The following CREBRF variants were observed in gnomAD, a reference collection of about 807,000 sequenced individuals.
The protein encoded by CREBRF is UPF0474 protein C5orf41.
Under a neutral mutation model 66.1 loss-of-function variants are expected in CREBRF, and 5 were observed. That is an observed-to-expected ratio of 0.08 (90% CI 0.04 to 0.16). The LOEUF (loss-of-function observed/expected upper bound fraction) is 0.16. CREBRF is among the 10% of genes least tolerant of loss of function. The probability of loss-of-function intolerance (pLI) is 1.00; values close to 1 mark genes in which losing one functional copy is unlikely to be tolerated. For synonymous variants in CREBRF, 229 were observed against 264.4 expected (o/e 0.87, Z 1.30); for missense variants, 531 against 744.9 (o/e 0.71, Z 3.34).
intron 1 of CREBRF, 47 bp from the exon 2 acceptor site, chr5:173,080,534 TCAAC>T: frequency 3.7e-6 from 2 of 538,072 alleles, no homozygotes; most frequent in African/African-American, 1.9e-5. Context: ...TTTTGAAACA[TCAAC>T]TTGTTTTTCC....
rs1487808501 is a variant in CREBRF, at chr5:173,080,597, A to AG, written c.-178dup. ...TGTTGTTTGACAGACAGCATCGCACAGAATTATTTTAAAAAAAAGCAGTGA... is the reference window on the plus strand; with the variant it reads ...TGTTGTTTGACAGACAGCATCGCACAGGAATTATTTTAAAAAAAAGCAGTGA... On this transcript the variant is annotated 5_prime_UTR_variant, in exon 2 of 9. Coordinates refer to ENST00000296953, the MANE Select transcript of CREBRF (RefSeq NM_153607.3). The AG allele has an allele frequency of 1.7e-6, 1 of 598,212 alleles. No individual in the cohort carries two copies. Among genetic ancestry groups the AG allele is most frequent in the Non-Finnish European group, 3.0e-6 (1 of 331,280 alleles). The allele number at this position is 598,212 out of a possible 1,614,324, so 37.1% of individuals were successfully genotyped here.
At chr5:173,092,282 G>A (rs571003806) in intron 4 of CREBRF, 37 of 980,034 alleles carry the variant, frequency 3.8e-5, no homozygotes, top group South Asian at 4.7e-5. Flanking sequence ...AATTTACATC[G>A]TATTTTCCTA....
intron 1 of CREBRF, 122 bp from the exon 2 acceptor site, chr5:173,080,463 G>T: frequency 5.7e-6 from 2 of 348,058 alleles, no homozygotes; most frequent in East Asian, 9.9e-5. Flanking sequence ...TCAACCATAA[G>T]ACTTACTCAT....
At chr5:173,129,420 A>G (rs550787273) in intron 8 of CREBRF, among the ~76,000 whole-genome samples, 1 of 152,116 alleles carries the variant, frequency 6.6e-6, no homozygotes, top group African/African-American at 2.4e-5. Context: ...CCGGCCAGTT[A>G]CATCTTTTTA....
Position 173,100,228 on chromosome 5 carries a change from G to A in CREBRF, c.1223-8396G>A, listed in dbSNP as rs1282505103. Among the ~76,000 whole-genome samples, 18 of 146,258 alleles carry A rather than the reference G, an allele frequency of 1.2e-4. No individual in the cohort carries two copies. The South Asian group carries it at 3.1e-3, about 25-fold the overall frequency. ...TGACCTCAAGTGATCCGCCCACCTC[G>A]GCCCTCCAAAGTGCTGGGATTAGTA... On this transcript the variant is annotated intron_variant, in intron 4 of 8. Coordinates refer to ENST00000296953, the MANE Select transcript of CREBRF (RefSeq NM_153607.3).
At chr5:173,107,341 T>C (rs1220364769) in intron 4 of CREBRF, among the ~76,000 whole-genome samples, 1 of 152,182 alleles carries the variant, frequency 6.6e-6, no homozygotes, top group African/African-American at 2.4e-5. Context: ...TTCATGTACC[T>C]AGCGTTAATG....
chr5:173,129,231 C>T (rs1261942321), intron 8 of CREBRF, among the ~76,000 whole-genome samples: 2 of 150,452 alleles, frequency 1.3e-5, no homozygotes, highest in Admixed American at 1.3e-4. Flanking sequence ...ATTCTCCTGC[C>T]TCAGCCTCCC....
At chr5:173,070,293 G>A (rs1007860517) in intron 1 of CREBRF, among the ~76,000 whole-genome samples, 1 of 152,148 alleles carries the variant, frequency 6.6e-6, no homozygotes, top group African/African-American at 2.4e-5. Context: ...GAATCCTGCT[G>A]TGTGCTCCAG....
chr5:173,123,317 A>G (rs986588956), intron 8 of CREBRF, 115 bp downstream of exon 8: 2 of 946,852 alleles, frequency 2.1e-6, no homozygotes, highest in African/African-American at 3.5e-5. Context: ...CTCTCATTGT[A>G]ATTACTCTCC....
At chr5:173,060,192 G>A (rs1304429339) in intron 1 of CREBRF, 2 of 150,626 alleles carry the variant, frequency 1.3e-5, no homozygotes, top group African/African-American at 2.4e-5. Context: ...GTCAAGATCG[G>A]CATCTATATA....
chr5:173,117,080 A>G (rs926970001), intron 7 of CREBRF, among the ~76,000 whole-genome samples: 1 of 152,044 alleles, frequency 6.6e-6, no homozygotes, highest in African/African-American at 2.4e-5. Flanking sequence ...TTTCTCTTCT[A>G]AAGGTTCTTT....
chr5:173,071,362 C>T (rs1757595261), intron 1 of CREBRF, among the ~76,000 whole-genome samples: 1 of 152,142 alleles, frequency 6.6e-6, no homozygotes, highest in African/African-American at 2.4e-5. Context: ...CAGGTGTGAG[C>T]CACCACGCCC....
intron 1 of CREBRF, chr5:173,060,273 C>G (rs1007537206): frequency 6.7e-6 from 1 of 150,052 alleles, no homozygotes; most frequent in Non-Finnish European, 1.5e-5. Context: ...CTGCGTTGCC[C>G]AGGTTGGAGT....
chr5:173,082,237 TCTC>T (rs1757976823), intron 2 of CREBRF, among the ~76,000 whole-genome samples: 1 of 151,936 alleles, frequency 6.6e-6, no homozygotes, highest in East Asian at 2.0e-4. Context: ...ATGGTCCCGA[TCTC>T]CTGACCTCGT....
intron 1 of CREBRF, among the ~76,000 whole-genome samples, chr5:173,070,690 C>T (rs1169516761): frequency 6.6e-6 from 1 of 152,070 alleles, no homozygotes; most frequent in African/African-American, 2.4e-5. Context: ...AAAAAAAATT[C>T]AGGAGTACAA....
intron 3 of CREBRF, among the ~76,000 whole-genome samples, chr5:173,088,926 C>G (rs185197485): frequency 2.0e-5 from 3 of 152,046 alleles, no homozygotes; most frequent in Non-Finnish European, 4.4e-5. Context: ...TGCCTGTAAT[C>G]CCAGCACTTT....
chr5:173,060,718 A>G (rs1366279093), intron 1 of CREBRF, among the ~76,000 whole-genome samples: 1 of 151,258 alleles, frequency 6.6e-6, no homozygotes, highest in Non-Finnish European at 1.5e-5. Context: ...ACAAGGGTTG[A>G]CAGACTTTTT....
rs956233907 is a variant in CREBRF at position 173,090,801 on chromosome 5, A to T, written c.622A>T (p.Thr208Ser). Residue 208 changes from threonine to serine, a missense_variant, in exon 4 of 9, where the codon ACT becomes TCT. By Grantham distance (58) the Thr-to-Ser change is moderately conservative. Around this residue, in one of 5 missense-constraint regions of CREBRF, gnomAD observed 309 missense variants for 341.4 expected, o/e 0.90. Transcript: ENST00000296953. The surrounding 1 kb of genome is among the most constrained non-coding windows in gnomAD (Gnocchi z 4.5). ...SDCVQKASKPTSSTQIMVKTN... is the reference protein window; with the variant it reads ...SDCVQKASKPSSSTQIMVKTN... ...CTGTGTCCAAAAAGCAAGTAAACCC[A>T]CTTCAAGCACACAAATCATGGTGAA... 6.2e-7 allele frequency: 1 copy of T among 1,614,160 alleles called. No homozygotes were observed. The highest frequency in any genetic ancestry group is 8.5e-7 in the Non-Finnish European group (1 of 1,180,042).
chr5:173,103,789 TA>T (rs1758684802), intron 4 of CREBRF, among the ~76,000 whole-genome samples: 1 of 152,260 alleles, frequency 6.6e-6, no homozygotes, highest in Non-Finnish European at 1.5e-5. Flanking sequence ...ATTTATTTTG[TA>T]ATTTTCACTA....
Sources: gnomAD v4.1 joint callset for allele counts (sites outside exome capture counted in the v4.1 genomes callset) on GRCh38, gnomAD v4.1.1 for gene constraint, gnomAD v4.1.1 regional missense constraint, Gnocchi (gnomAD v3.1) non-coding constraint, MANE v1.5 for transcripts, NCBI Gene and HGNC (gene_info 2026-07-23, HGNC 2026-07-21) for gene names.